PSMD5: variants seen among roughly 807,000 people sequenced by gnomAD.
PSMD5 encodes proteasome 26S subunit, non-ATPase 5.
A neutral mutation model predicts 52.1 loss-of-function variants in PSMD5; 40 were observed. The observed-to-expected ratio is 0.77, with a 90% CI of 0.60 to 1.00. The LOEUF (loss-of-function observed/expected upper bound fraction) is 1.00, where lower values mean the gene tolerates loss of function less well. Ranked by LOEUF, PSMD5 falls within the 50% of genes least tolerant of loss-of-function variation. The pLI, the probability that PSMD5 is intolerant of heterozygous loss-of-function variation, is 0.00. For synonymous variants in PSMD5, 211 were observed against 226.6 expected, an observed-to-expected ratio of 0.93 and a Z score of 0.62; for missense variants, 575 against 605.2, an observed-to-expected ratio of 0.95 and a Z score of 0.52.
At chr9:120,830,256 G>C (rs2045150647) in intron 4 of PSMD5, among the ~76,000 whole-genome samples, 1 of 152,192 alleles carries the variant, frequency 6.6e-6, no homozygotes, top group Non-Finnish European at 1.5e-5. Context: ...TAGGGGGATA[G>C]GGTGGATAAG....
intron 1 of PSMD5, among the ~76,000 whole-genome samples, chr9:120,839,351 G>T (rs1032942433): frequency 6.6e-6 from 1 of 152,204 alleles, no homozygotes; most frequent in Non-Finnish European, 1.5e-5. Context: ...CAGCTGACTC[G>T]AGATGTATGC....
Position 120,818,094 on chromosome 9 carries a change from C to A in PSMD5, c.1327G>T (p.Asp443Tyr), listed in dbSNP as rs763919027. The A allele has an allele frequency of 9.9e-6, 16 of 1,614,086 alleles. No individual in the cohort carries two copies. Among genetic ancestry groups the A allele is most frequent in the African/African-American group, 1.3e-5 (1 of 74,934 alleles). Residue 443 changes from aspartate to tyrosine, a missense_variant, in exon 10 of 10, where the codon GAC becomes TAC. Transcript: ENST00000210313. ...GCTTTGTCATGCTCCACAGACCGGT[C>A]CACCACATATTCTACAAAACCTGGA... ...NSPGFVEYVV[D>Y]RSVEHDKASK... is the part of the protein sequence containing the mutation.
At chr9:120,831,993 C>A (rs376068757) in intron 2 of PSMD5, 48 bp from the exon 3 acceptor site, 10 of 1,589,712 alleles carry the variant, frequency 6.3e-6, no homozygotes, top group Non-Finnish European at 8.5e-6. Context: ...GGGCAACATA[C>A]GGTAAACACA....
In PSMD5 at chr9:120,837,827, A is replaced by G. The variant is rs551912361; in HGVS notation, c.174-4371T>C. On this transcript the variant is annotated intron_variant, in intron 1 of 9. Coordinates refer to ENST00000210313, the MANE Select transcript of PSMD5 (RefSeq NM_005047.4). The stretch of plus-strand genomic sequence containing the variant: ...AATGCTCACGGCACTGTCATTTGTA[A>G]TATCTCCAAACAGAAAACAATTCAA... Among the ~76,000 whole-genome samples, 23 of 152,344 alleles carry G rather than the reference A, an allele frequency of 1.5e-4. No individual in the cohort carries two copies. The South Asian group carries it at 4.6e-3, about 30-fold the overall frequency.
intron 1 of PSMD5, among the ~76,000 whole-genome samples, chr9:120,835,580 T>C (rs1176980226): frequency 1.3e-5 from 2 of 151,760 alleles, no homozygotes; most frequent in Non-Finnish European, 2.9e-5. Flanking sequence ...CAAAAAAAAT[T>C]AGCTGGGTGT....
chr9:120,824,308 A>G (rs1435869030), intron 7 of PSMD5, 186 bp downstream of exon 7: 1 of 627,134 alleles, frequency 1.6e-6, no homozygotes, highest in Non-Finnish European at 2.8e-6. Flanking sequence ...AAAGTCAAAA[A>G]AAAAAAAAAA....
In PSMD5 at chr9:120,837,177, C is replaced by T. The variant is rs542120013; in HGVS notation, c.174-3721G>A. Among the ~76,000 whole-genome samples, 76 of 152,292 alleles carry T rather than the reference C, an allele frequency of 5.0e-4. No individual in the cohort carries two copies. The South Asian group carries it at 7.9e-3, about 16-fold the overall frequency. ...ATGCTGGGATTACAGGCGTTAGCCACCGCGCCCAGCCAATTTTTGTATTTT... is the reference window on the plus strand; with the variant it reads ...ATGCTGGGATTACAGGCGTTAGCCATCGCGCCCAGCCAATTTTTGTATTTT... On this transcript the variant is annotated intron_variant, in intron 1 of 9. Coordinates refer to ENST00000210313, the MANE Select transcript of PSMD5 (RefSeq NM_005047.4).
intron 1 of PSMD5, among the ~76,000 whole-genome samples, chr9:120,841,112 T>C (rs1469268937): frequency 1.3e-5 from 2 of 152,228 alleles, no homozygotes; most frequent in African/African-American, 4.8e-5. Context: ...AAAGTTGTCC[T>C]ACTATTTTCA....
At chr9:120,828,616 C>G (rs2045139613) in intron 5 of PSMD5, among the ~76,000 whole-genome samples, 1 of 151,766 alleles carries the variant, frequency 6.6e-6, no homozygotes, top group African/African-American at 2.4e-5. Context: ...TTAGTAGGGA[C>G]AGGGTTTCAC....
chr9:120,829,061 A>G (rs778322130), intron 5 of PSMD5, 38 bp downstream of exon 5: 20 of 1,521,174 alleles, frequency 1.3e-5, no homozygotes, highest in Middle Eastern at 1.8e-4. Context: ...CAGCCCTTCA[A>G]AAGAGGATAT....
chr9:120,833,584 C>G lies in PSMD5; in HGVS notation c.174-128G>C. The G allele has an allele frequency of 3.3e-6, 3 of 921,982 alleles. No individual in the cohort carries two copies. In the Admixed American group the frequency reaches 8.0e-5, roughly 25 times the overall value. 57.1% of individuals were successfully genotyped at this position (921,982 alleles called of 1,614,324 possible). A position where few individuals can be genotyped will look rare whatever the true frequency, so the allele number is the denominator to read the frequency against. ...CTTCTTTTTGAAACAGCAGCTTTCA[C>G]TCACCTACTAAACATTTGCTAAGTA... is the stretch of plus-strand genomic sequence containing the variant. On this transcript the variant is annotated intron_variant, in intron 1 of 9. Transcript: ENST00000210313.
intron 6 of PSMD5, among the ~76,000 whole-genome samples, chr9:120,826,274 A>G (rs1481628047): frequency 2.0e-5 from 3 of 152,176 alleles, no homozygotes; most frequent in Non-Finnish European, 4.4e-5. Flanking sequence ...GATTACAGGC[A>G]TGAGCCACTG....
In PSMD5 at chr9:120,816,405, C is replaced by T. The variant is rs2045043061; in HGVS notation, c.*1501G>A. ...TTGCACCACATTGAAAAAAAATCAACATCATGAATGAGATTAAAACAAAGG... is the reference window on the plus strand; with the variant it reads ...TTGCACCACATTGAAAAAAAATCAATATCATGAATGAGATTAAAACAAAGG... On this transcript the variant is annotated 3_prime_UTR_variant, in exon 10 of 10. Coordinates refer to ENST00000210313, the MANE Select transcript of PSMD5 (RefSeq NM_005047.4). 1 of 151,884 alleles carries T rather than the reference C, an allele frequency of 6.6e-6. No individual in the cohort carries two copies. The highest frequency in any genetic ancestry group is 1.5e-5 in the Non-Finnish European group (1 of 67,982). The allele number at this position is 151,884 out of a possible 1,614,324, so 9.4% of individuals were successfully genotyped here.
intron 7 of PSMD5, among the ~76,000 whole-genome samples, 167 bp from the exon 8 acceptor site, chr9:120,821,631 A>T (rs888604358): frequency 6.6e-6 from 1 of 152,146 alleles, no homozygotes; most frequent in African/African-American, 2.4e-5. Flanking sequence ...ATCAACCCAA[A>T]CTGAAACTCT....
At chr9:120,842,675 A>G in intron 1 of PSMD5, 62 bp downstream of exon 1, 1 of 1,584,844 alleles carries the variant, frequency 6.3e-7, no homozygotes, top group Non-Finnish European at 8.6e-7. Flanking sequence ...GCCCTCAACC[A>G]CTCTCATGTC....
chr9:120,820,642 A>G (rs1367792243), intron 9 of PSMD5, among the ~76,000 whole-genome samples, 197 bp downstream of exon 9: 2 of 152,206 alleles, frequency 1.3e-5, no homozygotes, highest in Non-Finnish European at 2.9e-5. Flanking sequence ...TCAAACCTCA[A>G]ACAGCACCTA....
Position 120,840,619 on chromosome 9 carries a change from C to CTTT in PSMD5, c.173+2115_173+2117dup, listed in dbSNP as rs35843505. Among the ~76,000 whole-genome samples, 243 of 116,146 alleles carry CTTT rather than the reference C, an allele frequency of 2.1e-3. 6 individuals are homozygous for CTTT. Among genetic ancestry groups the CTTT allele is most frequent in the African/African-American group, 7.4e-3 (230 of 31,028 alleles). The allele number at this position is 116,146 out of a possible 152,430, so 76.2% of individuals were successfully genotyped here. On this transcript the variant is annotated intron_variant, in intron 1 of 9. Coordinates refer to ENST00000210313, the MANE Select transcript of PSMD5 (RefSeq NM_005047.4). ...CGCTACCAAGCCCAGCTAATTTTTG[C>CTTT]TTTTTTTTTTTTTTTTTTGAGACGG...
intron 7 of PSMD5, among the ~76,000 whole-genome samples, chr9:120,822,870 C>T (rs1439895750): frequency 6.6e-6 from 1 of 151,998 alleles, no homozygotes; most frequent in Non-Finnish European, 1.5e-5. Flanking sequence ...ACTCTGTCAC[C>T]TAGGCTGCAG....
At chr9:120,831,989 C>T (rs201467528) in intron 2 of PSMD5, 44 bp from the exon 3 acceptor site, 4 of 1,596,210 alleles carry the variant, frequency 2.5e-6, no homozygotes, top group East Asian at 2.2e-5. Context: ...AGTAGGGCAA[C>T]ATACGGTAAA....
Sources: gnomAD v4.1 joint callset for allele counts (sites outside exome capture counted in the v4.1 genomes callset) on GRCh38, gnomAD v4.1.1 for gene constraint, MANE v1.5 for transcripts, NCBI Gene and HGNC (gene_info 2026-07-23, HGNC 2026-07-21) for gene names.